The following PDZD2 variants were observed in gnomAD, a reference collection of about 807,000 sequenced individuals.
PDZD2 encodes the protein PDZ domain-containing protein 2.
A neutral mutation model predicts 220.7 loss-of-function variants in PDZD2; 90 were observed. The observed-to-expected ratio is 0.41, with a 90% CI of 0.34 to 0.49. The LOEUF (loss-of-function observed/expected upper bound fraction) is 0.49, where lower values mean the gene tolerates loss of function less well. PDZD2 is among the 20% of genes least tolerant of loss of function. The pLI is 0.28. For synonymous variants in PDZD2, 1,375 were observed against 1,450.5 expected (o/e 0.95, Z 1.18); for missense variants, 3,174 against 3,608.5 (o/e 0.88, Z 3.08).
intron 1 of PDZD2, among the ~76,000 whole-genome samples, chr5:31,662,064 A>G (rs1745789976): frequency 6.6e-6 from 1 of 151,838 alleles, no homozygotes; most frequent in South Asian, 2.1e-4. Context: ...TAATCCTAGC[A>G]CTTTAGGAGT....
In PDZD2 at chr5:32,074,147, T is replaced by C; in HGVS notation, c.3041T>C (p.Val1014Ala). 5 of 1,614,108 alleles carry C rather than the reference T, an allele frequency of 3.1e-6. No individual in the cohort carries two copies. Among genetic ancestry groups the C allele is most frequent in the Non-Finnish European group, 4.2e-6 (5 of 1,180,012 alleles). Residue 1014 changes from valine to alanine, a missense_variant, in exon 18 of 25, where the codon GTC becomes GCC. Coordinates refer to ENST00000438447, the MANE Select transcript of PDZD2 (RefSeq NM_178140.4). ...ATTTCCTCTTCCAAGGGCATGGACGTCCACAACCAAGAGGAACGACCCCGG... is the reference window on the plus strand; with the variant it reads ...ATTTCCTCTTCCAAGGGCATGGACGCCCACAACCAAGAGGAACGACCCCGG... ...VSISSSKGMD[V>A]HNQEERPRKT...
intron 1 of PDZD2, among the ~76,000 whole-genome samples, chr5:31,687,925 G>A (rs1229248192): frequency 6.6e-6 from 1 of 152,104 alleles, no homozygotes; most frequent in East Asian, 1.9e-4. Flanking sequence ...GGTGGGTTAG[G>A]GCTTAAGCAT....
intron 6 of PDZD2, among the ~76,000 whole-genome samples, chr5:32,028,678 T>G (rs111477673): frequency 0.5 from 67,577 of 135,928 alleles, 16,643 homozygotes; most frequent in Non-Finnish European, 0.57. Context: ...TTTTTTTGTT[T>G]TTTTTGTTTT....
At chr5:31,822,668 A>C in intron 2 of PDZD2, 2 of 1,325,304 alleles carry the variant, frequency 1.5e-6, no homozygotes, top group Non-Finnish European at 2.1e-6. Context: ...AAAGCCACTG[A>C]ATTTGAAACA....
At chr5:32,095,556 TG>T (rs1284178460) in intron 21 of PDZD2, among the ~76,000 whole-genome samples, 2 of 152,156 alleles carry the variant, frequency 1.3e-5, no homozygotes, top group South Asian at 4.1e-4. Context: ...TCTTGATGGT[TG>T]ATCTGGCCGC....
intron 2 of PDZD2, among the ~76,000 whole-genome samples, chr5:31,905,657 C>T (rs1037803766): frequency 2.2e-4 from 34 of 152,212 alleles, no homozygotes; most frequent in Admixed American, 1.3e-4. Flanking sequence ...TTAACCTTCC[C>T]GCTAAGAACT....
chr5:31,698,100 G>A (rs1016203155), intron 1 of PDZD2, among the ~76,000 whole-genome samples: 77 of 149,288 alleles, frequency 5.2e-4, no homozygotes, highest in African/African-American at 1.7e-3. Context: ...GTAGAGACGG[G>A]GTTTCACCAT....
At chr5:31,756,204 G>A (rs1185822875) in intron 1 of PDZD2, among the ~76,000 whole-genome samples, 1 of 152,140 alleles carries the variant, frequency 6.6e-6, no homozygotes, top group African/African-American at 2.4e-5. Flanking sequence ...CTGGCTCCAG[G>A]TCATGCACTC....
chr5:32,026,472 C>CT (rs1208388369), intron 6 of PDZD2, among the ~76,000 whole-genome samples: 5 of 152,108 alleles, frequency 3.3e-5, no homozygotes, highest in Admixed American at 2.6e-4. Context: ...ACATGCCTTT[C>CT]TTTTTTTAAC....
intron 2 of PDZD2, among the ~76,000 whole-genome samples, chr5:31,850,344 C>T (rs181761926): frequency 1.1e-4 from 15 of 134,842 alleles, no homozygotes; most frequent in East Asian, 8.2e-4. Context: ...AACAAAGGTC[C>T]GATGTTTTGA....
At chr5:31,854,921 G>GA in intron 2 of PDZD2, 1 of 963,138 alleles carries the variant, frequency 1.0e-6, no homozygotes, top group Non-Finnish European at 1.2e-6. Flanking sequence ...GAGGAGGGGG[G>GA]GGTCCTCCCA....
At chr5:31,927,152 C>T (rs935506206) in intron 2 of PDZD2, among the ~76,000 whole-genome samples, 2 of 152,254 alleles carry the variant, frequency 1.3e-5, no homozygotes, top group Middle Eastern at 3.4e-3. Flanking sequence ...GTACTCTATA[C>T]CTCAGCATCA....
At chr5:32,031,898 AT>A (rs1467540906) in intron 6 of PDZD2, among the ~76,000 whole-genome samples, 1 of 152,232 alleles carries the variant, frequency 6.6e-6, no homozygotes, top group Non-Finnish European at 1.5e-5. Flanking sequence ...GATATCAATG[AT>A]CAATATGTTA....
At chr5:31,939,329 C>T (rs1270539890) in intron 2 of PDZD2, among the ~76,000 whole-genome samples, 1 of 152,156 alleles carries the variant, frequency 6.6e-6, no homozygotes, top group South Asian at 2.1e-4. Context: ...ACCTGATTTG[C>T]GTAACTGCTG....
At chr5:31,904,939 AGAGGGAGTGAATTT>A (rs1050946514) in intron 2 of PDZD2, among the ~76,000 whole-genome samples, 1 of 150,208 alleles carries the variant, frequency 6.7e-6, no homozygotes, top group African/African-American at 2.5e-5. Context: ...TACTTTTACC[AGAGGGAGTGAATTT>A]GTGTGTGTGT....
rs1477934447 is a variant in PDZD2, at chr5:31,850,072, A to ACG, written c.476+50348_476+50349insCG. Among the ~76,000 whole-genome samples, 65 of 139,852 alleles carry ACG rather than the reference A, an allele frequency of 4.6e-4. 4 individuals carry two copies. The highest frequency in any genetic ancestry group is 1.2e-3 in the African/African-American group (48 of 39,156). The allele number at this position is 139,852 out of a possible 152,430, so 91.7% of individuals were successfully genotyped here. A position where few individuals can be genotyped will look rare whatever the true frequency, so the allele number is the denominator to read the frequency against. On this transcript the variant is annotated intron_variant, in intron 2 of 24. Coordinates refer to ENST00000438447, the MANE Select transcript of PDZD2 (RefSeq NM_178140.4). The stretch of plus-strand genomic sequence containing the variant: ...TATACGTGTATATATAAGTATATAT[A>ACG]TGTGTATATATAAGTATATATACGT...
chr5:31,945,622 T>C (rs56341423), intron 2 of PDZD2, among the ~76,000 whole-genome samples: 61,527 of 151,550 alleles, frequency 0.41, 12,992 homozygotes, highest in Middle Eastern at 0.55. Flanking sequence ...AAACTCTCCC[T>C]CAACCCTGTT....
chr5:32,080,373 G>A (rs1040838638), intron 19 of PDZD2, among the ~76,000 whole-genome samples: 16 of 129,596 alleles, frequency 1.2e-4, no homozygotes, highest in Non-Finnish European at 1.0e-4. Flanking sequence ...AAAAAAAAGT[G>A]GGGGGTGAGG....
At chr5:31,940,892 A>G (rs1746156095) in intron 2 of PDZD2, among the ~76,000 whole-genome samples, 3 of 152,182 alleles carry the variant, frequency 2.0e-5, no homozygotes. Flanking sequence ...GTGTTTTTCC[A>G]AGGCTTGCCC....
Sources: allele counts gnomAD v4.1 joint callset (sites outside exome capture counted in the v4.1 genomes callset), GRCh38; gene constraint gnomAD v4.1.1; transcripts MANE v1.5; gene names NCBI Gene and HGNC (gene_info 2026-07-23, HGNC 2026-07-21).